Variants in AP2A1 observed in about 807,000 individuals in gnomAD.
AP2A1 encodes the protein AP-2 complex subunit alpha-1.
Under a neutral mutation model 107.3 loss-of-function variants are expected in AP2A1, and 21 were observed. The observed-to-expected ratio is 0.20, with a 90% CI of 0.14 to 0.28. The LOEUF is 0.28. Among genes scored for constraint, AP2A1 ranks in the 10% least tolerant of loss-of-function variants. AP2A1 has a pLI of 1.00. For synonymous variants in AP2A1, 602 were observed against 564.8 expected (o/e 1.07, Z -0.93); for missense variants, 873 against 1,307.7 (o/e 0.67, Z 5.13).
intron 1 of AP2A1, among the ~76,000 whole-genome samples, 172 bp from the exon 2 acceptor site, chr19:49,781,585 T>A (rs757158170): frequency 6.6e-6 from 1 of 151,966 alleles, no homozygotes; most frequent in Non-Finnish European, 1.5e-5. Flanking sequence ...CGGTGGTTCT[T>A]CCCTCTTTGA....
chr19:49,795,856 T>G, intron 7 of AP2A1, 118 bp downstream of exon 7: 1 of 823,184 alleles, frequency 1.2e-6, no homozygotes. Flanking sequence ...TCTCTGAAGC[T>G]GGGGCGGTTC....
Position 49,805,792 on chromosome 19 carries a change from G to A in AP2A1, c.2585+15G>A. On this transcript the variant is annotated intron_variant, in intron 20 of 22. Coordinates refer to ENST00000354293, the MANE Select transcript of AP2A1 (RefSeq NM_130787.3). ...CAGCTGAGCCTGTGAGGGGTGGGGAGGGGGCGGAGCCAAAGCCGCGCCTCT... is the reference window on the plus strand; with the variant it reads ...CAGCTGAGCCTGTGAGGGGTGGGGAAGGGGCGGAGCCAAAGCCGCGCCTCT... 6.2e-7 allele frequency: 1 copy of A among 1,608,312 alleles called. No homozygotes were observed. The highest frequency in any genetic ancestry group is 8.5e-7 in the Non-Finnish European group (1 of 1,177,608).
At chr19:49,775,591 A>T (rs1015548679) in intron 1 of AP2A1, among the ~76,000 whole-genome samples, 1 of 152,138 alleles carries the variant, frequency 6.6e-6, no homozygotes, top group African/African-American at 2.4e-5. Flanking sequence ...CTGGGATTAC[A>T]GGTATGAGCC....
intron 1 of AP2A1, among the ~76,000 whole-genome samples, chr19:49,780,800 C>T (rs2084666203): frequency 6.6e-6 from 1 of 152,078 alleles, no homozygotes; most frequent in Non-Finnish European, 1.5e-5. Flanking sequence ...CGCTGGATCC[C>T]AGGAGTTTAA....
rs1334423110 is a variant in AP2A1 at position 49,787,893 on chromosome 19, G to T, written c.474-4042G>T. 2.0e-5 allele frequency among the ~76,000 whole-genome samples: 3 copies of T among 152,154 alleles called. No homozygotes were observed. In the East Asian group the frequency reaches 5.8e-4, roughly 29 times the overall value. On this transcript the variant is annotated intron_variant, in intron 4 of 22. Transcript: ENST00000354293. ...AACCGCACAGTAGGTGGCCTTCTGT[G>T]TCTGGCTTCTTCCACTCAACAAGAT...
intron 4 of AP2A1, among the ~76,000 whole-genome samples, chr19:49,790,660 A>G (rs1600229886): frequency 1.3e-5 from 2 of 152,256 alleles, no homozygotes; most frequent in East Asian, 1.9e-4. Context: ...TCAGCCTCCT[A>G]AAGTGCTGGG....
At chr19:49,768,596 T>C (rs987109941) in intron 1 of AP2A1, among the ~76,000 whole-genome samples, 4 of 152,104 alleles carry the variant, frequency 2.6e-5, no homozygotes, top group Non-Finnish European at 5.9e-5. Context: ...AGAATTTAAC[T>C]GTTATGGAAG....
intron 4 of AP2A1, among the ~76,000 whole-genome samples, chr19:49,787,378 C>T (rs1226433575): frequency 8.1e-6 from 1 of 123,670 alleles, no homozygotes; most frequent in Non-Finnish European, 1.6e-5. Context: ...GAGGCAGTCT[C>T]TCTCTGTCAC....
rs559729319 is a variant in AP2A1, at chr19:49,805,958, G to T, written c.2655+17G>T. On this transcript the variant is annotated intron_variant, in intron 21 of 22. Transcript: ENST00000354293. The stretch of plus-strand genomic sequence containing the variant: ...AAGGCCAAGGTGAGAGACCGCGGGC[G>T]TGTTTGCCGGCCTATGGCTGCTTTG... 6.2e-7 allele frequency: 1 copy of T among 1,613,694 alleles called. No homozygotes were observed. Among genetic ancestry groups the T allele is most frequent in the Non-Finnish European group, 8.5e-7 (1 of 1,179,870 alleles).
At chr19:49,767,288 G>A (rs946925107) in intron 1 of AP2A1, 88 bp downstream of exon 1, 3 of 1,516,234 alleles carry the variant, frequency 2.0e-6, no homozygotes, top group Non-Finnish European at 2.7e-6. Context: ...GGACCCGGGG[G>A]ATCAAAAGCC....
intron 20 of AP2A1, 37 bp downstream of exon 20, chr19:49,805,814 C>T (rs1231755878): frequency 1.7e-6 from 2 of 1,173,998 alleles, no homozygotes; most frequent in Admixed American, 3.9e-5. Flanking sequence ...AAAGCCGCGC[C>T]TCTGGGTGGG....
At chr19:49,806,660 G>GC in intron 22 of AP2A1, 21 bp from the exon 23 acceptor site, 3 of 1,611,732 alleles carry the variant, frequency 1.9e-6, no homozygotes, top group Non-Finnish European at 2.5e-6. Context: ...TCTGAGTTCT[G>GC]CCCCCAATGC....
intron 1 of AP2A1, among the ~76,000 whole-genome samples, chr19:49,774,844 A>T (rs1443893992): frequency 6.6e-6 from 1 of 151,244 alleles, no homozygotes; most frequent in African/African-American, 2.4e-5. Context: ...GCTTGAACCC[A>T]GGAGGTGGAG....
chr19:49,788,398 G>A lies in AP2A1; in HGVS notation c.474-3537G>A, dbSNP rs1464839145. Among the ~76,000 whole-genome samples, 1 of 152,196 alleles carries A rather than the reference G, an allele frequency of 6.6e-6. No homozygotes were observed. The highest frequency in any genetic ancestry group is 1.5e-5 in the Non-Finnish European group (1 of 68,036). On this transcript the variant is annotated intron_variant, in intron 4 of 22. Transcript: ENST00000354293. The surrounding 1 kb of genome is among the most constrained non-coding windows in gnomAD (Gnocchi z 4.5). ...GGTATCCTTATCTGTAAATGGAGAT[G>A]ATAGAATCCGCGTCCTTAGAGGGCT... is the stretch of plus-strand genomic sequence containing the variant.
In AP2A1 at chr19:49,791,918, G is replaced by T; in HGVS notation, c.474-17G>T. 1.3e-6 allele frequency: 2 copies of T among 1,597,208 alleles called. No homozygotes were observed. The highest frequency in any genetic ancestry group is 1.7e-6 in the Non-Finnish European group (2 of 1,174,274). ...TCACTGACTCTGCTTCCCCTGCCCT[G>T]CATGGTGTCCCCACAGGGACAGCAT... is the stretch of plus-strand genomic sequence containing the variant. On this transcript the variant is annotated splice_polypyrimidine_tract_variant and intron_variant, in intron 4 of 22. Transcript: ENST00000354293.
At chr19:49,805,997 C>G (rs1302558277) in intron 21 of AP2A1, 56 bp downstream of exon 21, 2 of 1,613,016 alleles carry the variant, frequency 1.2e-6, no homozygotes, top group African/African-American at 1.3e-5. Flanking sequence ...CTCTGAGCCT[C>G]TGTTTTCCCA....
intron 4 of AP2A1, among the ~76,000 whole-genome samples, chr19:49,787,389 C>T (rs948012463): frequency 1.3e-4 from 19 of 144,880 alleles, no homozygotes; most frequent in African/African-American, 4.9e-4. Context: ...TCTCTGTCAC[C>T]CAGGCTGGAG....
intron 4 of AP2A1, among the ~76,000 whole-genome samples, chr19:49,791,229 T>G (rs2073138593): frequency 6.6e-6 from 1 of 152,176 alleles, no homozygotes; most frequent in South Asian, 2.1e-4. Context: ...TATTTTTAAA[T>G]TTTTTTATTT....
intron 4 of AP2A1, among the ~76,000 whole-genome samples, chr19:49,786,274 A>G (rs1042656211): frequency 4.6e-5 from 7 of 152,274 alleles, no homozygotes; most frequent in African/African-American, 1.4e-4. Context: ...TCTGTTTTCT[A>G]GTATTTAATA....
Sources: allele counts gnomAD v4.1 joint callset (sites outside exome capture counted in the v4.1 genomes callset), GRCh38; gene constraint gnomAD v4.1.1; non-coding constraint Gnocchi (gnomAD v3.1); transcripts MANE v1.5; gene names NCBI Gene and HGNC (gene_info 2026-07-23, HGNC 2026-07-21).